DENND5B: variants seen among roughly 807,000 people sequenced by gnomAD.
DENND5B encodes DENN domain-containing protein 5B.
A neutral mutation model predicts 140.6 loss-of-function variants in DENND5B; 34 were observed. The observed-to-expected ratio is 0.24, with a 90% CI of 0.18 to 0.32. The LOEUF is 0.32. Among genes scored for constraint, DENND5B ranks in the 10% least tolerant of loss-of-function variants. The pLI is 1.00. For missense variants in DENND5B, 1,142 were observed against 1,560.2 expected (o/e 0.73, Z 4.52); for synonymous variants, 551 against 562.1 (o/e 0.98, Z 0.28).
chr12:31,438,691 C>CA (rs958595733), intron 7 of DENND5B, among the ~76,000 whole-genome samples: 5 of 152,020 alleles, frequency 3.3e-5, no homozygotes, highest in Non-Finnish European at 7.4e-5. Context: ...ACAAAATGTA[C>CA]AAAGACCTGG....
At position 31,457,536 on chromosome 12, in the gene DENND5B, GC is replaced by G. The variant is rs576081293; in HGVS notation, c.1092+2657del. ...GTGGAGGAAAGTATTACTAGTGAGT[GC>G]ATTTAAGTCATTTTTTTAAATGACT... On this transcript the variant is annotated intron_variant, in intron 4 of 20. Coordinates refer to ENST00000389082, the MANE Select transcript of DENND5B (RefSeq NM_144973.4). Among the ~76,000 whole-genome samples the G allele has an allele frequency of 4.1e-4, 62 of 152,230 alleles. 1 individual carries two copies. The South Asian group carries it at 0.011, about 26-fold the overall frequency.
intron 4 of DENND5B, among the ~76,000 whole-genome samples, chr12:31,456,329 CAA>C (rs56369582): frequency 0.46 from 55,984 of 121,418 alleles, 11,664 homozygotes; most frequent in East Asian, 0.74. Context: ...GACTCCGTCT[CAA>C]AAAAAAAAAA....
chr12:31,545,947 T>C, intron 1 of DENND5B, among the ~76,000 whole-genome samples: 1 of 5,930 alleles, frequency 1.7e-4, no homozygotes. Flanking sequence ...TAAGACACTG[T>C]CTCAAAAAAA....
At chr12:31,549,597 C>T (rs912798128) in intron 1 of DENND5B, among the ~76,000 whole-genome samples, 4 of 151,682 alleles carry the variant, frequency 2.6e-5, no homozygotes, top group Non-Finnish European at 5.9e-5. Context: ...GTTTGTTACA[C>T]AGGTAAATGT....
chr12:31,587,313 C>T (rs1950427102), intron 1 of DENND5B, among the ~76,000 whole-genome samples: 4 of 152,168 alleles, frequency 2.6e-5, no homozygotes. Flanking sequence ...CATCAGTCTT[C>T]CTATTTCAGG....
At chr12:31,413,655 A>T in intron 12 of DENND5B, 91 bp from the exon 13 acceptor site, 1 of 1,383,902 alleles carries the variant, frequency 7.2e-7, no homozygotes, top group Non-Finnish European at 9.6e-7. Flanking sequence ...GGGCACAGAA[A>T]GGTTTATACT....
At chr12:31,534,826 T>C (rs1372358653) in intron 1 of DENND5B, 2 of 456,722 alleles carry the variant, frequency 4.4e-6, no homozygotes, top group Admixed American at 5.2e-5. Context: ...TTTTCAGCCC[T>C]GGTTTGATGT....
chr12:31,424,868 A>G (rs967238063), intron 9 of DENND5B, among the ~76,000 whole-genome samples, 181 bp from the exon 10 acceptor site: 34 of 152,220 alleles, frequency 2.2e-4, no homozygotes, highest in African/African-American at 8.0e-4. Flanking sequence ...TATAATTTAT[A>G]TGTCACTATT....
chr12:31,439,767 T>TA (rs1473841866), intron 7 of DENND5B, among the ~76,000 whole-genome samples: 2 of 151,332 alleles, frequency 1.3e-5, no homozygotes, highest in African/African-American at 2.4e-5. Context: ...CTGTCTCTAA[T>TA]AAAAAAATAA....
intron 1 of DENND5B, among the ~76,000 whole-genome samples, chr12:31,567,875 T>C (rs1949684480): frequency 6.6e-6 from 1 of 152,202 alleles, no homozygotes; most frequent in Admixed American, 6.5e-5. Flanking sequence ...GGGGTTGTTT[T>C]GTTTTGTAGA....
intron 6 of DENND5B, among the ~76,000 whole-genome samples, chr12:31,443,127 G>A (rs1417775960): frequency 6.6e-6 from 1 of 152,202 alleles, no homozygotes; most frequent in African/African-American, 2.4e-5. Context: ...CCAGGCTGGA[G>A]TGCAATGGCG....
At chr12:31,431,671 T>A (rs1239605325) in intron 8 of DENND5B, among the ~76,000 whole-genome samples, 1 of 152,178 alleles carries the variant, frequency 6.6e-6, no homozygotes, top group Non-Finnish European at 1.5e-5. Flanking sequence ...AGAAAGGCTA[T>A]TTGAAATTCA....
intron 19 of DENND5B, among the ~76,000 whole-genome samples, chr12:31,391,337 T>C (rs1446301351): frequency 1.3e-5 from 2 of 152,228 alleles, no homozygotes; most frequent in African/African-American, 4.8e-5. Flanking sequence ...TGCTCCAATG[T>C]ACCTTGACAT....
At chr12:31,508,946 G>C (rs1363183470) in intron 1 of DENND5B, among the ~76,000 whole-genome samples, 1 of 152,022 alleles carries the variant, frequency 6.6e-6, no homozygotes, top group Non-Finnish European at 1.5e-5. Context: ...AGTCACCTTT[G>C]GGGGAGGGGC....
intron 1 of DENND5B, among the ~76,000 whole-genome samples, chr12:31,502,356 T>A (rs1947043491): frequency 6.6e-6 from 1 of 152,166 alleles, no homozygotes. Flanking sequence ...TTCAATCTTA[T>A]AAGTAATCTA....
chr12:31,387,513 G>T lies in DENND5B; in HGVS notation c.*90C>A. 1.4e-6 allele frequency: 2 copies of T among 1,392,322 alleles called. No homozygotes were observed. The highest frequency in any genetic ancestry group is 1.4e-5 in the South Asian group (1 of 72,950). The allele number at this position is 1,392,322 out of a possible 1,614,324, so 86.2% of individuals were successfully genotyped here. On this transcript the variant is annotated 3_prime_UTR_variant, in exon 21 of 21. Transcript: ENST00000389082. Reference sequence around the variant, plus strand: ...ATGGGGCATATGTTTGGCTGCCCCTGCAGTGACTCACTACTGTCAGACAAG... The same window carrying T: ...ATGGGGCATATGTTTGGCTGCCCCTTCAGTGACTCACTACTGTCAGACAAG...
chr12:31,578,496 TC>T (rs1950101511), intron 1 of DENND5B, among the ~76,000 whole-genome samples: 1 of 152,182 alleles, frequency 6.6e-6, no homozygotes, highest in Non-Finnish European at 1.5e-5. Context: ...AAAATAGATT[TC>T]CCATTATGTA....
At chr12:31,562,180 T>C (rs931758483) in intron 1 of DENND5B, among the ~76,000 whole-genome samples, 26 of 152,306 alleles carry the variant, frequency 1.7e-4, no homozygotes, top group African/African-American at 6.0e-4. Flanking sequence ...TTAGAAATCA[T>C]ATTAATACTA....
chr12:31,522,804 T>C (rs920378711), intron 1 of DENND5B, among the ~76,000 whole-genome samples: 3 of 152,202 alleles, frequency 2.0e-5, no homozygotes, highest in Non-Finnish European at 4.4e-5. Context: ...CCCAGTAAAG[T>C]ATCCATGACA....
Sources: gnomAD v4.1 joint callset for allele counts (sites outside exome capture counted in the v4.1 genomes callset) on GRCh38, gnomAD v4.1.1 for gene constraint, MANE v1.5 for transcripts, NCBI Gene and HGNC (gene_info 2026-07-23, HGNC 2026-07-21) for gene names.